Variants in RASEF observed in about 807,000 individuals in gnomAD.
RASEF encodes RAS and EF-hand domain containing, also known as ras and EF-hand domain-containing protein.
Under a neutral mutation model 90.1 loss-of-function variants are expected in RASEF, and 68 were observed. The observed-to-expected ratio is 0.75, with a 90% CI of 0.62 to 0.92. RASEF has a LOEUF of 0.92. Among genes scored for constraint, RASEF ranks in the 40% least tolerant of loss-of-function variants. The pLI, the probability that RASEF is intolerant of heterozygous loss-of-function variation, is 0.00. For missense variants in RASEF, 949 were observed against 937.2 expected (o/e 1.01, Z -0.16); for synonymous variants, 331 against 345.2 (o/e 0.96, Z 0.46).
At chr9:83,110,280 G>A in the RASEF span, among the ~76,000 whole-genome samples, 2 of 152,272 alleles carry the variant, frequency 1.3e-5, no homozygotes, top group Admixed American at 1.3e-4. Flanking sequence ...CAGGGGACAT[G>A]GAACAAACTT....
chr9:83,038,117 A>G (rs1356662251), intron 1 of RASEF, among the ~76,000 whole-genome samples: 3 of 152,238 alleles, frequency 2.0e-5, no homozygotes, highest in African/African-American at 7.2e-5. Context: ...ATTGGAAAAC[A>G]TTTAAAGAAT....
In RASEF at chr9:82,982,419, A is replaced by G. The variant is rs991196442; in HGVS notation, c.*258T>C. On this transcript the variant is annotated 3_prime_UTR_variant, in exon 17 of 17. Transcript: ENST00000376447. ...CTTTTCTTTTTTTTTACCATTTTAA[A>G]AACATTTACATGTTATCTTTTAAGA... The G allele has an allele frequency of 5.5e-5, 14 of 255,028 alleles. No individual in the cohort carries two copies. Among genetic ancestry groups the G allele is most frequent in the Admixed American group, 3.5e-4 (7 of 19,850 alleles). The allele number at this position is 255,028 out of a possible 1,614,324, so 15.8% of individuals were successfully genotyped here. A position where few individuals can be genotyped will look rare whatever the true frequency, so the allele number is the denominator to read the frequency against.
intron 1 of RASEF, among the ~76,000 whole-genome samples, chr9:83,044,182 T>C (rs1474600096): frequency 2.0e-5 from 3 of 152,124 alleles, no homozygotes; most frequent in Admixed American, 6.5e-5. Flanking sequence ...CTTGGCACAA[T>C]GTCTTCCTTT....
At chr9:83,075,965 T>G in the RASEF span, among the ~76,000 whole-genome samples, 20 of 152,008 alleles carry the variant, frequency 1.3e-4, 1 homozygote, top group South Asian at 1.5e-3. Flanking sequence ...GTCAGGAGAT[T>G]GAGACCAGCC....
the RASEF span, among the ~76,000 whole-genome samples, chr9:83,160,640 A>G: frequency 6.6e-6 from 1 of 152,250 alleles, no homozygotes; most frequent in African/African-American, 2.4e-5. Context: ...AGATGGCTGC[A>G]GAAATTTGCA....
the RASEF span, among the ~76,000 whole-genome samples, chr9:83,189,371 T>G: frequency 6.6e-6 from 1 of 152,226 alleles, no homozygotes; most frequent in African/African-American, 2.4e-5. Flanking sequence ...TAAACCTCTT[T>G]CCTGTATAAA....
intron 8 of RASEF, 55 bp downstream of exon 8, chr9:83,005,361 C>T: frequency 2.3e-6 from 3 of 1,283,402 alleles, no homozygotes; most frequent in South Asian, 2.4e-5. Context: ...TCATCAACAC[C>T]AAAATACTCC....
chr9:83,103,038 C>G, the RASEF span, among the ~76,000 whole-genome samples: 51 of 152,324 alleles, frequency 3.3e-4, no homozygotes, highest in African/African-American at 1.2e-3. Flanking sequence ...TCTGGCCCTC[C>G]TCCTCCTTCA....
the RASEF span, among the ~76,000 whole-genome samples, chr9:83,194,291 T>C: frequency 6.6e-6 from 1 of 152,206 alleles, no homozygotes; most frequent in African/African-American, 2.4e-5. Context: ...TTTTCTTGTT[T>C]TTCATGACCT....
At chr9:83,179,719 TATTTAA>T in the RASEF span, among the ~76,000 whole-genome samples, 1 of 152,200 alleles carries the variant, frequency 6.6e-6, no homozygotes, top group African/African-American at 2.4e-5. Flanking sequence ...AAATATTTTA[TATTTAA>T]AAGTACCCAG....
At chr9:83,035,859 C>T (rs1375324051) in intron 1 of RASEF, among the ~76,000 whole-genome samples, 1 of 152,144 alleles carries the variant, frequency 6.6e-6, no homozygotes, top group Non-Finnish European at 1.5e-5. Context: ...AGTTTATGTT[C>T]GTTGTCCTGT....
Position 83,055,415 on chromosome 9 carries a change from C to T in RASEF, c.431+7022G>A, listed in dbSNP as rs550438800. On this transcript the variant is annotated intron_variant, in intron 1 of 16. Coordinates refer to ENST00000376447, the MANE Select transcript of RASEF (RefSeq NM_152573.4). The stretch of plus-strand genomic sequence containing the variant: ...GCCCTGCTTCGGCTCGCGCACGGTG[C>T]GCGCACACACTGGCCTGCGCCCACT... 2.1e-3 allele frequency: 1,215 copies of T among 583,864 alleles called. 12 individuals are homozygous for T. The highest frequency in any genetic ancestry group is 0.013 in the Middle Eastern group (35 of 2,746). 36.2% of individuals were successfully genotyped at this position (583,864 alleles called of 1,614,324 possible).
chr9:83,183,129 A>T, the RASEF span, among the ~76,000 whole-genome samples: 4 of 152,152 alleles, frequency 2.6e-5, no homozygotes, highest in Admixed American at 6.5e-5. Context: ...TAATCAAATT[A>T]TATTCTATAT....
chr9:83,109,866 G>A, the RASEF span, among the ~76,000 whole-genome samples: 95 of 152,146 alleles, frequency 6.2e-4, 6 homozygotes, highest in South Asian at 0.02. Context: ...CAGTTGAAAG[G>A]TTTTATGGAT....
At chr9:83,049,637 G>A (rs56729586) in intron 1 of RASEF, among the ~76,000 whole-genome samples, 4 of 143,294 alleles carry the variant, frequency 2.8e-5, no homozygotes, top group South Asian at 2.3e-4. Context: ...TGCGCTGCAC[G>A]CACTAACGTG....
At chr9:83,088,333 A>G in the RASEF span, among the ~76,000 whole-genome samples, 1 of 151,340 alleles carries the variant, frequency 6.6e-6, no homozygotes, top group Non-Finnish European at 1.5e-5. Flanking sequence ...ATATATCTAT[A>G]TCTCTTATCT....
the RASEF span, among the ~76,000 whole-genome samples, chr9:83,161,714 A>G: frequency 6.6e-6 from 1 of 151,470 alleles, no homozygotes; most frequent in African/African-American, 2.4e-5. Context: ...CTGTGTCCCC[A>G]CCCAAATCTC....
At chr9:83,099,757 A>G in the RASEF span, among the ~76,000 whole-genome samples, 2 of 152,202 alleles carry the variant, frequency 1.3e-5, no homozygotes, top group African/African-American at 4.8e-5. Flanking sequence ...AGCACGCACA[A>G]AGATATTTTG....
chr9:83,071,897 C>A, the RASEF span, among the ~76,000 whole-genome samples: 1 of 152,172 alleles, frequency 6.6e-6, no homozygotes, highest in Non-Finnish European at 1.5e-5. Context: ...CTTATACAAT[C>A]TAGCCTTGGA....
Sources: gnomAD v4.1 joint callset for allele counts (sites outside exome capture counted in the v4.1 genomes callset) on GRCh38, gnomAD v4.1.1 for gene constraint, MANE v1.5 for transcripts, NCBI Gene and HGNC (gene_info 2026-07-23, HGNC 2026-07-21) for gene names.